The following PIK3C2G variants were observed in gnomAD, a reference collection of about 807,000 sequenced individuals.
PIK3C2G encodes phosphatidylinositol-4-phosphate 3-kinase catalytic subunit type 2 gamma, also known as phosphatidylinositol 3-kinase C2 domain-containing subunit gamma.
A neutral mutation model predicts 181.1 loss-of-function variants in PIK3C2G; 168 were observed. That is an observed-to-expected ratio of 0.93 (90% CI 0.82 to 1.05). PIK3C2G has a LOEUF of 1.05. Among genes scored for constraint, PIK3C2G ranks in the 50% least tolerant of loss-of-function variants. The pLI, the probability that PIK3C2G is intolerant of heterozygous loss-of-function variation, is 0.00. For synonymous variants in PIK3C2G, 573 were observed against 592.2 expected, an observed-to-expected ratio of 0.97 and a Z score of 0.47; for missense variants, 1,869 against 1,732.8, an observed-to-expected ratio of 1.08 and a Z score of -1.40.
chr12:18,280,151 C>G (rs1385242293), intron 1 of PIK3C2G, among the ~76,000 whole-genome samples: 2 of 151,914 alleles, frequency 1.3e-5, no homozygotes, highest in Non-Finnish European at 2.9e-5. Context: ...TCATTTTTCT[C>G]CTAACTAAAG....
the PIK3C2G span, among the ~76,000 whole-genome samples, chr12:18,669,961 C>T: frequency 2.0e-5 from 3 of 152,108 alleles, no homozygotes; most frequent in African/African-American, 7.2e-5. Context: ...AGCCACCGCG[C>T]CCGGCCCTCT....
chr12:18,609,957 C>A (rs1592709627), intron 31 of PIK3C2G, among the ~76,000 whole-genome samples: 1 of 152,160 alleles, frequency 6.6e-6, no homozygotes, highest in Middle Eastern at 3.4e-3. Flanking sequence ...TCCCATATTT[C>A]CTTCTCCTCA....
chr12:18,697,267 T>C, the PIK3C2G span, among the ~76,000 whole-genome samples: 2 of 152,136 alleles, frequency 1.3e-5, no homozygotes, highest in Non-Finnish European at 2.9e-5. Context: ...TTAGGAAGCA[T>C]TGTCAAATTA....
chr12:18,478,761 G>A (rs1343457818), intron 18 of PIK3C2G, among the ~76,000 whole-genome samples: 1 of 152,092 alleles, frequency 6.6e-6, no homozygotes, highest in East Asian at 1.9e-4. Flanking sequence ...GATCGCTTGA[G>A]CCCAAGAGTT....
intron 18 of PIK3C2G, among the ~76,000 whole-genome samples, chr12:18,463,487 G>A (rs923523734): frequency 1.3e-5 from 2 of 152,110 alleles, no homozygotes; most frequent in African/African-American, 2.4e-5. Flanking sequence ...TAAGCAACAT[G>A]AGGATCCCTG....
chr12:18,448,513 A>G (rs1947157042), intron 18 of PIK3C2G, among the ~76,000 whole-genome samples: 1 of 152,038 alleles, frequency 6.6e-6, no homozygotes, highest in Non-Finnish European at 1.5e-5. Flanking sequence ...AGCATATACA[A>G]CTGCATCTCT....
At chr12:18,683,243 C>G in the PIK3C2G span, 1 of 1,612,122 alleles carries the variant, frequency 6.2e-7, no homozygotes, top group Non-Finnish European at 8.5e-7. Flanking sequence ...TAGCTGTTAT[C>G]TGACGTACCA....
chr12:18,699,902 T>C, the PIK3C2G span: 24 of 1,612,492 alleles, frequency 1.5e-5, no homozygotes, highest in African/African-American at 2.7e-5. Flanking sequence ...TCAGCTTTCG[T>C]ATAAATGACA....
At chr12:18,569,460 T>C (rs1168822368) in intron 29 of PIK3C2G, among the ~76,000 whole-genome samples, 1 of 152,082 alleles carries the variant, frequency 6.6e-6, no homozygotes, top group Non-Finnish European at 1.5e-5. Flanking sequence ...ATTTCCAAGG[T>C]TCATGGATTT....
At chr12:18,601,395 CAT>C (rs1357906112) in intron 30 of PIK3C2G, among the ~76,000 whole-genome samples, 3 of 151,894 alleles carry the variant, frequency 2.0e-5, no homozygotes, top group Admixed American at 6.6e-5. Context: ...TATTTTCACT[CAT>C]ATGTGGAAGC....
At chr12:18,392,535 G>A (rs1287416319) in intron 15 of PIK3C2G, among the ~76,000 whole-genome samples, 3 of 151,962 alleles carry the variant, frequency 2.0e-5, no homozygotes, top group African/African-American at 7.3e-5. Context: ...TGTTTCCTAA[G>A]TTCTTCACAT....
At chr12:18,650,607 G>T (rs1285056881), downstream of PIK3C2G, among the ~76,000 whole-genome samples, 4 of 145,940 alleles carry the variant, frequency 2.7e-5, no homozygotes, top group Non-Finnish European at 6.0e-5. Flanking sequence ...TATGAGAGCT[G>T]ATACGGGCTC....
chr12:18,436,898 C>A (rs10841027), intron 18 of PIK3C2G, among the ~76,000 whole-genome samples: 34,247 of 151,694 alleles, frequency 0.23, 4,057 homozygotes, highest in Admixed American at 0.34. Flanking sequence ...TTATTTTAAC[C>A]CTGATTGAAA....
intron 14 of PIK3C2G, among the ~76,000 whole-genome samples, chr12:18,384,216 T>A (rs1565660893): frequency 6.6e-6 from 1 of 152,042 alleles, no homozygotes; most frequent in South Asian, 2.1e-4. Flanking sequence ...TTTTAGAAAC[T>A]TTTTTTAAAC....
At chr12:18,306,383 T>C (rs933830202) in intron 5 of PIK3C2G, among the ~76,000 whole-genome samples, 1 of 152,046 alleles carries the variant, frequency 6.6e-6, no homozygotes, top group African/African-American at 2.4e-5. Context: ...AACCTATTCT[T>C]GTCTCTTCAA....
intron 5 of PIK3C2G, among the ~76,000 whole-genome samples, chr12:18,307,780 A>G (rs2137353391): frequency 6.6e-6 from 1 of 150,804 alleles, no homozygotes; most frequent in East Asian, 1.9e-4. Flanking sequence ...TTTCTTTTTC[A>G]TTTTCTCTAC....
intron 5 of PIK3C2G, among the ~76,000 whole-genome samples, chr12:18,301,152 G>T (rs562675124): frequency 1.3e-5 from 2 of 151,942 alleles, no homozygotes; most frequent in East Asian, 3.8e-4. Flanking sequence ...TTTGTCTTTG[G>T]CTTTTGACAG....
chr12:18,412,034 AT>A (rs1944894522), intron 16 of PIK3C2G, among the ~76,000 whole-genome samples: 1 of 152,096 alleles, frequency 6.6e-6, no homozygotes, highest in Non-Finnish European at 1.5e-5. Context: ...TTGAAATTTT[AT>A]TTCATGACTC....
At position 18,396,663 on chromosome 12, in the gene PIK3C2G, C is replaced by A. The variant is rs536133895; in HGVS notation, c.2127-2996C>A. ...AGTAAAAATATATATAAAATAAATT[C>A]TGTTTTGAAATGTTACTTACTGTAA... On this transcript the variant is annotated intron_variant, in intron 15 of 32. Transcript: ENST00000538779. Among the ~76,000 whole-genome samples, 46 of 151,558 alleles carry A rather than the reference C, an allele frequency of 3.0e-4. 2 individuals carry two copies. Among genetic ancestry groups the A allele is most frequent in the African/African-American group, 1.1e-3 (45 of 41,398 alleles).
Sources: allele counts gnomAD v4.1 joint callset (sites outside exome capture counted in the v4.1 genomes callset), GRCh38; gene constraint gnomAD v4.1.1; transcripts MANE v1.5; gene names NCBI Gene and HGNC (gene_info 2026-07-23, HGNC 2026-07-21).